The following STXBP5L variants were observed in gnomAD, a reference collection of about 807,000 sequenced individuals.
STXBP5L encodes the protein syntaxin binding protein 5L, also known as syntaxin-binding protein 5-like.
STXBP5L carries 65 observed loss-of-function variants against 144.5 expected under a neutral mutation model. The observed-to-expected ratio is 0.45, with a 90% CI of 0.37 to 0.55. The LOEUF (loss-of-function observed/expected upper bound fraction) is 0.55. STXBP5L is among the 20% of genes least tolerant of loss of function. STXBP5L has a pLI of 0.00. For missense variants in STXBP5L, 1,298 were observed against 1,405.5 expected (o/e 0.92, Z 1.22); for synonymous variants, 505 against 469.6 (o/e 1.08, Z -0.97).
At chr3:121,296,070 G>T (rs1454667449) in intron 19 of STXBP5L, among the ~76,000 whole-genome samples, 4 of 152,058 alleles carry the variant, frequency 2.6e-5, no homozygotes, top group Non-Finnish European at 4.4e-5. Flanking sequence ...ATACTCAATT[G>T]TTTATTTACC....
In STXBP5L at chr3:121,378,014, T is replaced by C. The variant is rs567300919; in HGVS notation, c.2177-702T>C. Among the ~76,000 whole-genome samples, 43 of 152,330 alleles carry C rather than the reference T, an allele frequency of 2.8e-4. 2 individuals carry two copies. The South Asian group carries it at 8.7e-3, about 31-fold the overall frequency. ...ATAAAAAAGAATGAGTTCATGTCCT[T>C]TGCAGGGAAATGGATGAAGCTGGAA... is the stretch of plus-strand genomic sequence containing the variant. On this transcript the variant is annotated intron_variant, in intron 20 of 26. Transcript: ENST00000471454.
chr3:121,416,040 G>A (rs2047223917), intron 25 of STXBP5L, 72 bp downstream of exon 25: 4 of 1,121,526 alleles, frequency 3.6e-6, no homozygotes, highest in Non-Finnish European at 5.2e-6. Flanking sequence ...ATTTGTGTGT[G>A]TAACTTAATG....
intron 3 of STXBP5L, among the ~76,000 whole-genome samples, chr3:121,005,767 G>A (rs1944240025): frequency 2.0e-5 from 3 of 152,048 alleles, no homozygotes; most frequent in Non-Finnish European, 4.4e-5. Flanking sequence ...GTTCTCATTG[G>A]TTTCAAAGAA....
intron 5 of STXBP5L, among the ~76,000 whole-genome samples, chr3:121,063,594 C>T (rs1024626911): frequency 1.3e-5 from 2 of 152,180 alleles, no homozygotes; most frequent in Non-Finnish European, 2.9e-5. Context: ...CGCCAACACC[C>T]GCTCCTTCCT....
intron 2 of STXBP5L, among the ~76,000 whole-genome samples, chr3:120,933,052 TG>T (rs1710040194): frequency 3.4e-5 from 2 of 59,668 alleles, no homozygotes; most frequent in Admixed American, 2.3e-4. Context: ...TGTTGTGGGG[TG>T]GGGGGAGGGG....
At chr3:121,119,403 C>T (rs1004633722) in intron 6 of STXBP5L, among the ~76,000 whole-genome samples, 15 of 151,048 alleles carry the variant, frequency 9.9e-5, no homozygotes, top group Non-Finnish European at 1.5e-4. Context: ...ACATGGCAGT[C>T]TAGGACAGGA....
At chr3:120,957,028 A>G (rs1042420198) in intron 3 of STXBP5L, among the ~76,000 whole-genome samples, 12 of 151,970 alleles carry the variant, frequency 7.9e-5, no homozygotes, top group Admixed American at 7.9e-4. Flanking sequence ...TAATCTCACT[A>G]TTTGGCATGT....
chr3:120,972,740 C>A (rs1024321659), intron 3 of STXBP5L, among the ~76,000 whole-genome samples: 1 of 151,754 alleles, frequency 6.6e-6, no homozygotes, highest in Admixed American at 6.6e-5. Flanking sequence ...GAGATATGCT[C>A]CTTGTATGCC....
intron 7 of STXBP5L, among the ~76,000 whole-genome samples, chr3:121,141,242 A>G (rs2045490971): frequency 1.3e-5 from 2 of 152,090 alleles, no homozygotes; most frequent in African/African-American, 4.8e-5. Flanking sequence ...TGTGTCTACT[A>G]AAAATACAAA....
rs749332110 is a variant in STXBP5L, at chr3:121,045,573, A to T, written c.470+38A>T. 3 of 1,566,798 alleles carry T rather than the reference A, an allele frequency of 1.9e-6. No individual in the cohort carries two copies. The Admixed American group carries it at 5.6e-5, about 29-fold the overall frequency. On this transcript the variant is annotated intron_variant, in intron 5 of 26. Transcript: ENST00000471454. ...GAATTAAACAATTTCTTAATGTACA[A>T]CAAAATTATTTCCTGAGCAAGTTTT...
Position 121,116,662 on chromosome 3 carries a change from G to T in STXBP5L, c.605+1603G>T, listed in dbSNP as rs559841082. Among the ~76,000 whole-genome samples, 13 of 152,016 alleles carry T rather than the reference G, an allele frequency of 8.6e-5. 1 individual carries two copies. The highest frequency in any genetic ancestry group is 2.6e-4 in the African/African-American group (11 of 41,522). ...CAAGATAATTGGTGTGAGCTATTTTGCTCATTTTGTTGTTCTGTGTGAATA... is the reference window on the plus strand; with the variant it reads ...CAAGATAATTGGTGTGAGCTATTTTTCTCATTTTGTTGTTCTGTGTGAATA... On this transcript the variant is annotated intron_variant, in intron 6 of 26. Coordinates refer to ENST00000471454, the MANE Select transcript of STXBP5L (RefSeq NM_001308330.2).
intron 5 of STXBP5L, among the ~76,000 whole-genome samples, chr3:121,110,595 T>A (rs2107811443): frequency 6.6e-6 from 1 of 152,306 alleles, no homozygotes; most frequent in African/African-American, 2.4e-5. Context: ...CTGAGAGGTC[T>A]GCTGTTAGTC....
chr3:121,045,594 GTT>G, intron 5 of STXBP5L, 59 bp downstream of exon 5: 3 of 1,498,112 alleles, frequency 2.0e-6, no homozygotes, highest in Non-Finnish European at 2.7e-6. Flanking sequence ...TCCTGAGCAA[GTT>G]TTTGTTAACT....
chr3:120,998,994 A>G (rs1487347980), intron 3 of STXBP5L, among the ~76,000 whole-genome samples: 3 of 152,112 alleles, frequency 2.0e-5, no homozygotes, highest in Admixed American at 6.6e-5. Flanking sequence ...TGAGGAGTAG[A>G]TTGTTTAATT....
chr3:121,179,452 A>G (rs568176210), intron 9 of STXBP5L, among the ~76,000 whole-genome samples: 1 of 152,322 alleles, frequency 6.6e-6, no homozygotes, highest in African/African-American at 2.4e-5. Context: ...TCAAAAATTC[A>G]AAAACAATTT....
At chr3:121,042,541 T>G (rs1425174204) in intron 4 of STXBP5L, among the ~76,000 whole-genome samples, 1 of 152,142 alleles carries the variant, frequency 6.6e-6, no homozygotes, top group Non-Finnish European at 1.5e-5. Flanking sequence ...GAACTCAGTG[T>G]CTCGGAAAAA....
chr3:120,976,681 T>C (rs1196366285), intron 3 of STXBP5L, among the ~76,000 whole-genome samples: 1 of 152,222 alleles, frequency 6.6e-6, no homozygotes. Flanking sequence ...TGTGGGCATT[T>C]AGTGCTATAA....
chr3:121,056,028 C>G (rs1948437542), intron 5 of STXBP5L, among the ~76,000 whole-genome samples: 1 of 151,980 alleles, frequency 6.6e-6, no homozygotes, highest in African/African-American at 2.4e-5. Flanking sequence ...TAGACTTGAA[C>G]TACTGGGCTC....
chr3:121,347,412 C>G (rs1200568508), intron 20 of STXBP5L, among the ~76,000 whole-genome samples: 2 of 152,166 alleles, frequency 1.3e-5, no homozygotes, highest in African/African-American at 4.8e-5. Context: ...GTTCTCTTGG[C>G]TTAGGATTGA....
Sources: allele counts gnomAD v4.1 joint callset (sites outside exome capture counted in the v4.1 genomes callset), GRCh38; gene constraint gnomAD v4.1.1; transcripts MANE v1.5; gene names NCBI Gene and HGNC (gene_info 2026-07-23, HGNC 2026-07-21).